Variants in ROBO2 observed in about 807,000 individuals in gnomAD.
The protein encoded by ROBO2 is roundabout guidance receptor 2.
A neutral mutation model predicts 160.8 loss-of-function variants in ROBO2; 53 were observed. The ratio of observed to expected loss-of-function variants is 0.33; its 90% CI spans 0.26 to 0.41. The LOEUF (loss-of-function observed/expected upper bound fraction) is 0.41, where lower values mean the gene tolerates loss of function less well. ROBO2 is among the 10% of genes least tolerant of loss of function. The pLI is 1.00. For synonymous variants in ROBO2, 664 were observed against 611.7 expected, an observed-to-expected ratio of 1.09 and a Z score of -1.26; for missense variants, 1,577 against 1,722.4, an observed-to-expected ratio of 0.92 and a Z score of 1.49.
chr3:76,541,900 C>T (rs263524), intron 2 of ROBO2, among the ~76,000 whole-genome samples: 5,010 of 152,244 alleles, frequency 0.033, 289 homozygotes, highest in African/African-American at 0.11. Context: ...AACACCATCC[C>T]AGGGGATTAC....
At chr3:77,546,278 G>A (rs1233032984) in intron 6 of ROBO2, 60 bp from the exon 8 acceptor site, 1 of 1,578,546 alleles carries the variant, frequency 6.3e-7, no homozygotes, top group African/African-American at 1.3e-5. Flanking sequence ...TTTTCTCCTT[G>A]ACATATTTTT....
At chr3:76,587,098 T>A (rs1043318140) in intron 2 of ROBO2, among the ~76,000 whole-genome samples, 1 of 152,318 alleles carries the variant, frequency 6.6e-6, no homozygotes, top group African/African-American at 2.4e-5. Context: ...GTAGATAGAC[T>A]TCTGTCAGCT....
chr3:76,418,581 A>G (rs1248455626), intron 2 of ROBO2, among the ~76,000 whole-genome samples: 1 of 149,522 alleles, frequency 6.7e-6, no homozygotes, highest in East Asian at 1.9e-4. Flanking sequence ...TGGCCCAATA[A>G]AAGTCTCCTT....
rs564687936 is a variant in ROBO2, at chr3:76,405,574, CT to C, written c.109+467974del. Among the ~76,000 whole-genome samples, 276 of 151,810 alleles carry C rather than the reference CT, an allele frequency of 1.8e-3. 2 individuals carry two copies. The highest frequency in any genetic ancestry group is 6.4e-3 in the African/African-American group (265 of 41,504). On this transcript the variant is annotated intron_variant, in intron 2 of 26. Coordinates refer to the ROBO2 transcript ENST00000487694. ...TAGCAAAGTCCTTCAACATGTTTTA[CT>C]TCTTTGCTTAAAAACAGCAGGTAGT...
chr3:77,377,109 T>C (rs1389615647), intron 2 of ROBO2, among the ~76,000 whole-genome samples: 3 of 152,216 alleles, frequency 2.0e-5, no homozygotes, highest in Admixed American at 6.5e-5. Flanking sequence ...CTGATTTCCC[T>C]ACTTTATTTT....
At chr3:76,112,621 A>C (rs141898705) in intron 2 of ROBO2, among the ~76,000 whole-genome samples, 6 of 152,202 alleles carry the variant, frequency 3.9e-5, no homozygotes, top group African/African-American at 1.4e-4. Context: ...CTTTCAGAAG[A>C]AATCTTCACT....
intron 2 of ROBO2, among the ~76,000 whole-genome samples, chr3:76,394,270 G>T (rs999532144): frequency 1.3e-5 from 2 of 152,108 alleles, no homozygotes; most frequent in South Asian, 2.1e-4. Context: ...GGTACCAGTT[G>T]TTCCTTTCCA....
At chr3:76,069,042 C>T (rs1265234010) in intron 2 of ROBO2, among the ~76,000 whole-genome samples, 1 of 138,354 alleles carries the variant, frequency 7.2e-6, no homozygotes, top group African/African-American at 2.6e-5. Flanking sequence ...TATTTAAATG[C>T]ATTTTCTTTT....
chr3:76,043,566 T>C (rs2107776269), intron 2 of ROBO2, among the ~76,000 whole-genome samples: 1 of 138,464 alleles, frequency 7.2e-6, no homozygotes, highest in African/African-American at 2.8e-5. Flanking sequence ...TTTCAGTCTT[T>C]GATGATGGAA....
intron 2 of ROBO2, among the ~76,000 whole-genome samples, chr3:75,993,120 A>C (rs545475057): frequency 1.3e-5 from 2 of 152,040 alleles, no homozygotes; most frequent in East Asian, 3.9e-4. Flanking sequence ...ACTTTGGGGG[A>C]CTGTTGGGAA....
chr3:77,392,840 T>C (rs2074879215), intron 2 of ROBO2, among the ~76,000 whole-genome samples: 1 of 152,206 alleles, frequency 6.6e-6, no homozygotes, highest in Admixed American at 6.5e-5. Flanking sequence ...GCAGAAGTAT[T>C]ATGAACTTTG....
intron 2 of ROBO2, among the ~76,000 whole-genome samples, chr3:75,996,945 T>A (rs2065747262): frequency 6.6e-6 from 1 of 152,226 alleles, no homozygotes; most frequent in African/African-American, 2.4e-5. Flanking sequence ...AAGTAATAGC[T>A]GCATTCTTTT....
intron 2 of ROBO2, among the ~76,000 whole-genome samples, chr3:77,286,904 G>A (rs887286009): frequency 2.0e-5 from 3 of 152,140 alleles, no homozygotes; most frequent in Admixed American, 6.5e-5. Context: ...TGAGTAATAC[G>A]CTGCTAAGAT....
chr3:77,450,235 T>G (rs2080984931), intron 2 of ROBO2, among the ~76,000 whole-genome samples: 1 of 152,144 alleles, frequency 6.6e-6, no homozygotes, highest in East Asian at 1.9e-4. Flanking sequence ...TTTTTTTACT[T>G]TGATGTTAAA....
chr3:77,176,053 T>G (rs187194510), intron 2 of ROBO2, among the ~76,000 whole-genome samples: 1 of 151,908 alleles, frequency 6.6e-6, no homozygotes, highest in East Asian at 1.9e-4. Context: ...AGGACCTCCA[T>G]TAAATCAGCA....
intron 2 of ROBO2, among the ~76,000 whole-genome samples, chr3:76,579,823 C>T (rs920066705): frequency 4.7e-5 from 7 of 148,252 alleles, no homozygotes; most frequent in African/African-American, 1.7e-4. Context: ...GAAAACAAAA[C>T]TTTGAGTCTG....
intron 2 of ROBO2, among the ~76,000 whole-genome samples, chr3:76,473,877 C>G (rs7639290): frequency 0.63 from 95,530 of 151,962 alleles, 30,397 homozygotes; most frequent in African/African-American, 0.73. Context: ...ATATTTACTT[C>G]CTAAAATGTC....
chr3:76,495,673 A>G (rs1373301943), intron 2 of ROBO2, among the ~76,000 whole-genome samples: 3 of 152,160 alleles, frequency 2.0e-5, no homozygotes, highest in Non-Finnish European at 4.4e-5. Context: ...ACAACAAGGT[A>G]TGCTATGAAA....
chr3:77,390,541 C>A (rs6781392), intron 2 of ROBO2, among the ~76,000 whole-genome samples: 47,401 of 151,842 alleles, frequency 0.31, 7,776 homozygotes, highest in East Asian at 0.46. Flanking sequence ...TATAAGGTAT[C>A]CCTTGCTCTT....
Sources: gnomAD v4.1 joint callset for allele counts (sites outside exome capture counted in the v4.1 genomes callset) on GRCh38, gnomAD v4.1.1 for gene constraint, MANE v1.5 for transcripts, NCBI Gene and HGNC (gene_info 2026-07-23, HGNC 2026-07-21) for gene names.